The following OTOGL variants were observed in gnomAD, a reference collection of about 807,000 sequenced individuals.
The protein encoded by OTOGL is otogelin-like protein.
OTOGL carries 285 observed loss-of-function variants against 318.5 expected under a neutral mutation model. The ratio of observed to expected loss-of-function variants is 0.89; its 90% confidence interval spans 0.81 to 0.99. OTOGL has a LOEUF of 0.99. Ranked by LOEUF, OTOGL falls within the 50% of genes least tolerant of loss-of-function variation. OTOGL has a pLI of 0.00. For synonymous variants in OTOGL, 987 were observed against 936.5 expected, an observed-to-expected ratio of 1.05 and a Z score of -0.99; for missense variants, 2,899 against 2,845.6, an observed-to-expected ratio of 1.02 and a Z score of -0.43.
chr12:80,134,781 T>C (rs1168766182), intron 1 of OTOGL, among the ~76,000 whole-genome samples: 3 of 152,200 alleles, frequency 2.0e-5, no homozygotes, highest in Non-Finnish European at 4.4e-5. Flanking sequence ...TTTGTCTATG[T>C]TTATGTCAGT....
chr12:80,293,071 A>C (rs1018320389), intron 26 of OTOGL, among the ~76,000 whole-genome samples: 1 of 152,232 alleles, frequency 6.6e-6, no homozygotes, highest in Non-Finnish European at 1.5e-5. Context: ...AATCAAAGTG[A>C]TAATTCAAAT....
At chr12:80,359,297 T>G (rs781740985) in intron 52 of OTOGL, among the ~76,000 whole-genome samples, 6 of 152,202 alleles carry the variant, frequency 3.9e-5, no homozygotes, top group Non-Finnish European at 7.4e-5. Context: ...TGTTTCTTCT[T>G]AAGCGTTATC....
intron 52 of OTOGL, among the ~76,000 whole-genome samples, chr12:80,363,553 AAAG>A (rs1890357806): frequency 7.3e-5 from 11 of 151,338 alleles, no homozygotes; most frequent in Middle Eastern, 3.4e-3. Flanking sequence ...AGAGAGAGAG[AAAG>A]AGAGAGAGAG....
At chr12:80,101,627 G>A (rs987569527) in intron 1 of OTOGL, among the ~76,000 whole-genome samples, 2 of 152,148 alleles carry the variant, frequency 1.3e-5, no homozygotes, top group African/African-American at 4.8e-5. Flanking sequence ...ATAGTGCCTA[G>A]TCCAGTATCT....
At chr12:80,338,261 A>G (rs1329967605) in intron 42 of OTOGL, among the ~76,000 whole-genome samples, 1 of 152,078 alleles carries the variant, frequency 6.6e-6, no homozygotes, top group Non-Finnish European at 1.5e-5. Flanking sequence ...TATAGTTTGT[A>G]GTCGGATCAA....
intron 1 of OTOGL, among the ~76,000 whole-genome samples, chr12:80,162,540 C>T (rs531881282): frequency 1.1e-4 from 17 of 152,090 alleles, no homozygotes; most frequent in Admixed American, 5.2e-4. Flanking sequence ...TTGAAAGCAA[C>T]GTGTCAGCAG....
intron 1 of OTOGL, among the ~76,000 whole-genome samples, chr12:80,176,194 C>T (rs145458068): frequency 1.3e-5 from 2 of 152,262 alleles, no homozygotes; most frequent in Non-Finnish European, 1.5e-5. Flanking sequence ...GTCCATTTCA[C>T]GTATATGATA....
chr12:80,345,853 A>G (rs1592736109), intron 44 of OTOGL, among the ~76,000 whole-genome samples: 1 of 152,214 alleles, frequency 6.6e-6, no homozygotes, highest in South Asian at 2.1e-4. Flanking sequence ...TGAGGATTCT[A>G]TACACAGTAG....
At chr12:80,268,101 T>G (rs947174262) in intron 22 of OTOGL, among the ~76,000 whole-genome samples, 1 of 152,136 alleles carries the variant, frequency 6.6e-6, no homozygotes, top group African/African-American at 2.4e-5. Flanking sequence ...TGGTTATAAA[T>G]TTTCTGTTGA....
chr12:80,179,478 G>T (rs548144406), intron 1 of OTOGL, among the ~76,000 whole-genome samples: 1 of 152,238 alleles, frequency 6.6e-6, no homozygotes, highest in Non-Finnish European at 1.5e-5. Context: ...TAAACGCCTT[G>T]GTCACTTCAA....
chr12:80,121,014 G>T (rs980778811), intron 1 of OTOGL, among the ~76,000 whole-genome samples: 5 of 152,148 alleles, frequency 3.3e-5, no homozygotes, highest in African/African-American at 4.8e-5. Flanking sequence ...TTAGGGTAGG[G>T]TGTGTGGAGG....
At chr12:80,191,643 T>C (rs745977415) in intron 1 of OTOGL, among the ~76,000 whole-genome samples, 2 of 152,126 alleles carry the variant, frequency 1.3e-5, no homozygotes, top group Non-Finnish European at 2.9e-5. Context: ...ATTTAAACAG[T>C]TGGCCTCTTA....
At chr12:80,315,238 G>T (rs1886894425) in intron 32 of OTOGL, among the ~76,000 whole-genome samples, 1 of 152,104 alleles carries the variant, frequency 6.6e-6, no homozygotes, top group South Asian at 2.1e-4. Flanking sequence ...AGTGACATAA[G>T]AAATAATGTA....
intron 1 of OTOGL, among the ~76,000 whole-genome samples, chr12:80,185,810 T>C (rs1339469532): frequency 6.6e-6 from 1 of 152,246 alleles, no homozygotes; most frequent in Non-Finnish European, 1.5e-5. Flanking sequence ...TATCTTAAAG[T>C]CTATATAGAA....
intron 11 of OTOGL, among the ~76,000 whole-genome samples, chr12:80,243,725 T>G (rs1419543155): frequency 6.6e-6 from 1 of 150,600 alleles, no homozygotes; most frequent in Non-Finnish European, 1.5e-5. Flanking sequence ...TAATTTGAAA[T>G]GACAAAATGT....
chr12:80,137,545 C>T (rs1871655572), intron 1 of OTOGL, among the ~76,000 whole-genome samples: 1 of 152,000 alleles, frequency 6.6e-6, no homozygotes, highest in Admixed American at 6.6e-5. Flanking sequence ...TGCTCAGTGC[C>T]CAGACCTTAA....
At chr12:80,325,751 A>G (rs1017295143) in intron 35 of OTOGL, among the ~76,000 whole-genome samples, 1 of 152,188 alleles carries the variant, frequency 6.6e-6, no homozygotes, top group East Asian at 1.9e-4. Context: ...CCCTGGAGTG[A>G]GGCTAAGCAA....
chr12:80,221,353 C>T (rs1047783710), intron 6 of OTOGL, among the ~76,000 whole-genome samples: 2 of 151,574 alleles, frequency 1.3e-5, no homozygotes, highest in Admixed American at 6.6e-5. Flanking sequence ...CAACCTCCGC[C>T]TCCTGGGTTC....
At position 80,192,309 on chromosome 12, in the gene OTOGL, C is replaced by T. The variant is rs559720523; in HGVS notation, c.-19-17104C>T. Among the ~76,000 whole-genome samples, 858 of 152,312 alleles carry T rather than the reference C, an allele frequency of 5.6e-3. 9 individuals carry two copies. The highest frequency in any genetic ancestry group is 0.019 in the African/African-American group (808 of 41,566). On this transcript the variant is annotated intron_variant, in intron 1 of 58. Transcript: ENST00000547103. ...ACCAGTGCAGTTCTAGGAGGGGCCC[C>T]GCCTGCTGGTCCGGTCATGGTCAAC...
Sources: allele counts gnomAD v4.1 joint callset (sites outside exome capture counted in the v4.1 genomes callset), GRCh38; gene constraint gnomAD v4.1.1; transcripts MANE v1.5; gene names NCBI Gene and HGNC (gene_info 2026-07-23, HGNC 2026-07-21).